Variants in NTRK3 observed in about 807,000 individuals in gnomAD.
NTRK3 encodes the protein neurotrophic receptor tyrosine kinase 3, also known as NT-3 growth factor receptor.
In NTRK3, 24 loss-of-function variants were observed where a neutral mutation model predicts 91.7. That is an observed-to-expected ratio of 0.26 (90% CI 0.19 to 0.37). NTRK3 has a LOEUF of 0.37. NTRK3 is among the 10% of genes least tolerant of loss of function. NTRK3 has a pLI of 1.00. For missense variants in NTRK3, 880 were observed against 1,068.9 expected (o/e 0.82, Z 2.46); for synonymous variants, 483 against 404.0 (o/e 1.20, Z -2.34).
At chr15:88,137,507 G>A (rs1309046692) in exon 7 of NTRK3, 1 of 1,614,184 alleles carries the variant, frequency 6.2e-7, no homozygotes, top group Non-Finnish European at 8.5e-7. Flanking sequence ...GCTCCTGCCA[G>A]AGCTGCATCC....
chr15:88,086,417 T>G (rs2048503415), intron 13 of NTRK3, among the ~76,000 whole-genome samples: 1 of 152,042 alleles, frequency 6.6e-6, no homozygotes, highest in Non-Finnish European at 1.5e-5. Context: ...ATTTAAAACA[T>G]CTCATTAATT....
intron 13 of NTRK3, among the ~76,000 whole-genome samples, chr15:88,068,259 A>C (rs1313711726): frequency 6.6e-6 from 1 of 151,986 alleles, no homozygotes; most frequent in African/African-American, 2.4e-5. Flanking sequence ...TGGTGAAACC[A>C]CATCTCTACT....
chr15:87,901,689 C>T (rs906071813), intron 17 of NTRK3, among the ~76,000 whole-genome samples: 6 of 149,700 alleles, frequency 4.0e-5, no homozygotes, highest in African/African-American at 1.2e-4. Flanking sequence ...CCTCCTAAAA[C>T]GCATTGGCTA....
chr15:88,166,750 TTATA>T (rs1159558274), intron 5 of NTRK3, among the ~76,000 whole-genome samples: 1 of 152,198 alleles, frequency 6.6e-6, no homozygotes, highest in East Asian at 1.9e-4. Flanking sequence ...GACCAGACAT[TTATA>T]GATATGAATA....
chr15:88,166,460 G>A (rs1272567128), intron 5 of NTRK3, among the ~76,000 whole-genome samples: 1 of 152,182 alleles, frequency 6.6e-6, no homozygotes, highest in Non-Finnish European at 1.5e-5. Flanking sequence ...AGGGGAAGGT[G>A]AGCCGGGGAC....
At chr15:87,887,714 G>A (rs922220753) in intron 17 of NTRK3, among the ~76,000 whole-genome samples, 8 of 152,156 alleles carry the variant, frequency 5.3e-5, no homozygotes, top group African/African-American at 7.2e-5. Context: ...TGACAAATAC[G>A]TCCCATGGTA....
At chr15:88,228,340 A>G (rs11635443) in intron 3 of NTRK3, among the ~76,000 whole-genome samples, 130,062 of 152,068 alleles carry the variant, frequency 0.86, 55,838 homozygotes, top group East Asian at 0.96. Context: ...CTCCCGCTGG[A>G]TCTCCCCATC....
At chr15:88,002,997 C>G (rs956521644) in intron 14 of NTRK3, among the ~76,000 whole-genome samples, 8 of 152,182 alleles carry the variant, frequency 5.3e-5, no homozygotes, top group Non-Finnish European at 1.2e-4. Flanking sequence ...GACTTTAAAT[C>G]TATCAAAGGC....
intron 10 of NTRK3, among the ~76,000 whole-genome samples, chr15:88,130,686 C>T (rs1024391320): frequency 6.6e-6 from 1 of 152,084 alleles, no homozygotes; most frequent in Admixed American, 6.5e-5. Flanking sequence ...AATGGAAAGA[C>T]AGTCTACAAA....
At chr15:87,883,232 C>T (rs1362565203) in intron 17 of NTRK3, among the ~76,000 whole-genome samples, 4 of 149,610 alleles carry the variant, frequency 2.7e-5, no homozygotes, top group Non-Finnish European at 5.9e-5. Context: ...ATGTCAAAAA[C>T]TAAAGTAAGA....
intron 5 of NTRK3, among the ~76,000 whole-genome samples, chr15:88,150,759 T>C (rs953456514): frequency 1.3e-5 from 2 of 152,056 alleles, no homozygotes; most frequent in African/African-American, 4.8e-5. Context: ...AAAAAACTTA[T>C]ACAAAAAGAC....
intron 3 of NTRK3, among the ~76,000 whole-genome samples, chr15:88,204,541 T>A (rs2048578734): frequency 6.6e-6 from 1 of 152,236 alleles, no homozygotes; most frequent in Non-Finnish European, 1.5e-5. Context: ...CAGGTTCTCC[T>A]TCCAGCCTTA....
chr15:88,248,315 C>G (rs1046330276), intron 3 of NTRK3, among the ~76,000 whole-genome samples: 3 of 152,144 alleles, frequency 2.0e-5, no homozygotes, highest in African/African-American at 7.2e-5. Flanking sequence ...AAAAGCCTCC[C>G]CCACTACTAA....
chr15:88,033,546 A>C (rs2078794809), intron 13 of NTRK3, among the ~76,000 whole-genome samples: 1 of 151,964 alleles, frequency 6.6e-6, no homozygotes, highest in South Asian at 2.1e-4. Flanking sequence ...CCTGACCTCA[A>C]GTGATCCACC....
At chr15:88,021,503 G>T (rs1452965699) in intron 14 of NTRK3, among the ~76,000 whole-genome samples, 1 of 152,204 alleles carries the variant, frequency 6.6e-6, no homozygotes, top group Non-Finnish European at 1.5e-5. Flanking sequence ...AAGTCTCAGG[G>T]ATCTCTAGAA....
chr15:88,203,541 T>C (rs2048476167), intron 3 of NTRK3, among the ~76,000 whole-genome samples: 1 of 152,216 alleles, frequency 6.6e-6, no homozygotes, highest in South Asian at 2.1e-4. Flanking sequence ...TTGAGCGACC[T>C]TCTCAAACCT....
intron 17 of NTRK3, among the ~76,000 whole-genome samples, chr15:87,891,964 T>G (rs1262326049): frequency 6.6e-6 from 1 of 152,124 alleles, no homozygotes; most frequent in Non-Finnish European, 1.5e-5. Context: ...CAGCGTGTAC[T>G]CAGGCAAGGA....
At chr15:87,916,437 AG>A in intron 17 of NTRK3, 2 of 694,388 alleles carry the variant, frequency 2.9e-6, no homozygotes, top group Non-Finnish European at 5.3e-6. Context: ...GGTCTCCTTC[AG>A]CCTTTTCCTC....
At chr15:87,898,173 A>G (rs1282903064) in intron 17 of NTRK3, among the ~76,000 whole-genome samples, 1 of 152,236 alleles carries the variant, frequency 6.6e-6, no homozygotes, top group Non-Finnish European at 1.5e-5. Context: ...AAGGACTTAG[A>G]CATTCTGCCC....
Sources: gnomAD v4.1 joint callset for allele counts (sites outside exome capture counted in the v4.1 genomes callset) on GRCh38, gnomAD v4.1.1 for gene constraint, MANE v1.5 for transcripts, NCBI Gene and HGNC (gene_info 2026-07-23, HGNC 2026-07-21) for gene names.